The following USP47 variants were observed in gnomAD, a reference collection of about 807,000 sequenced individuals.
USP47 encodes ubiquitin specific peptidase 47.
Under a neutral mutation model 165.1 loss-of-function variants are expected in USP47, and 35 were observed. The ratio of observed to expected loss-of-function variants is 0.21; its 90% CI spans 0.16 to 0.28. The LOEUF is 0.28. Among genes scored for constraint, USP47 ranks in the 10% least tolerant of loss-of-function variants. The pLI is 1.00. For missense variants in USP47, 1,277 were observed against 1,607.4 expected (o/e 0.79, Z 3.52); for synonymous variants, 531 against 544.5 (o/e 0.98, Z 0.35).
At chr11:11,877,520 A>G (rs1850514521) in intron 1 of USP47, among the ~76,000 whole-genome samples, 2 of 152,186 alleles carry the variant, frequency 1.3e-5, no homozygotes, top group Non-Finnish European at 2.9e-5. Context: ...AAAGTATATG[A>G]AGTTTTATGT....
rs926746181 is a variant in USP47 at position 11,957,917 on chromosome 11, A to G, written c.*1742A>G. The G allele has an allele frequency of 6.6e-6, 1 of 152,170 alleles. No homozygotes were observed. The highest frequency in any genetic ancestry group is 1.5e-5 in the Non-Finnish European group (1 of 68,028). 9.4% of individuals were successfully genotyped at this position (152,170 alleles called of 1,614,324 possible). A position where few individuals can be genotyped will look rare whatever the true frequency, so the allele number is the denominator to read the frequency against. ...TTGAAGAAAGCTATAGCATTTAGCG[A>G]AATTTGACTGAAGTAATGTTCTGAG... On this transcript the variant is annotated 3_prime_UTR_variant, in exon 28 of 28. Transcript: ENST00000527733.
chr11:11,875,182 A>C (rs980844470), intron 1 of USP47, among the ~76,000 whole-genome samples: 1 of 152,166 alleles, frequency 6.6e-6, no homozygotes, highest in African/African-American at 2.4e-5. Flanking sequence ...CGGTACCTTC[A>C]TAATTTTAAA....
chr11:11,893,380 A>T (rs1021253878), intron 4 of USP47, among the ~76,000 whole-genome samples: 5 of 152,198 alleles, frequency 3.3e-5, no homozygotes, highest in Non-Finnish European at 5.9e-5. Flanking sequence ...ATTACATTAC[A>T]AATATCAGTG....
chr11:11,865,102 G>A (rs1033947795), intron 1 of USP47, among the ~76,000 whole-genome samples: 4 of 152,120 alleles, frequency 2.6e-5, no homozygotes, highest in Non-Finnish European at 5.9e-5. Flanking sequence ...TAGTTCTTAA[G>A]GGATTTGATT....
chr11:11,936,618 T>A, intron 17 of USP47, 108 bp downstream of exon 17: 1 of 900,056 alleles, frequency 1.1e-6, no homozygotes, highest in Non-Finnish European at 1.6e-6. Flanking sequence ...TATATGGTCT[T>A]AAAATGTAGA....
At chr11:11,946,320 A>C (rs975116072) in intron 20 of USP47, among the ~76,000 whole-genome samples, 1 of 152,232 alleles carries the variant, frequency 6.6e-6, no homozygotes, top group Non-Finnish European at 1.5e-5. Flanking sequence ...CAGGCCATCA[A>C]ATTCCAGAAC....
chr11:11,908,275 T>TC (rs1852715030), intron 8 of USP47, among the ~76,000 whole-genome samples: 1 of 152,028 alleles, frequency 6.6e-6, no homozygotes, highest in Admixed American at 6.5e-5. Flanking sequence ...TTTCTTTTTT[T>TC]TCTCTCTCTC....
intron 2 of USP47, among the ~76,000 whole-genome samples, chr11:11,882,819 T>G (rs1193345090): frequency 1.3e-5 from 2 of 152,192 alleles, no homozygotes; most frequent in Non-Finnish European, 2.9e-5. Flanking sequence ...CTCGTATAAA[T>G]TTCATATCCT....
At chr11:11,946,678 CAG>C (rs1855864849) in intron 20 of USP47, among the ~76,000 whole-genome samples, 1 of 152,160 alleles carries the variant, frequency 6.6e-6, no homozygotes, top group African/African-American at 2.4e-5. Context: ...ATAGCATAGA[CAG>C]AAGCTTGTTT....
chr11:11,892,600 C>T (rs1265535208), intron 4 of USP47, among the ~76,000 whole-genome samples: 6 of 150,078 alleles, frequency 4.0e-5, no homozygotes, highest in Non-Finnish European at 5.9e-5. Flanking sequence ...TGCTTGAGCC[C>T]GGGAGTTGGA....
At chr11:11,869,136 A>G (rs1465374585) in intron 1 of USP47, among the ~76,000 whole-genome samples, 5 of 151,978 alleles carry the variant, frequency 3.3e-5, no homozygotes, top group Admixed American at 2.6e-4. Context: ...CAGTTTATCA[A>G]TTTTTCCTTT....
chr11:11,865,603 C>T (rs1465732360), intron 1 of USP47, among the ~76,000 whole-genome samples: 1 of 152,032 alleles, frequency 6.6e-6, no homozygotes, highest in Non-Finnish European at 1.5e-5. Flanking sequence ...ACAGTGGCTG[C>T]ACCATTTTAC....
chr11:11,920,531 C>T, intron 10 of USP47, 37 bp downstream of exon 10: 2 of 1,557,632 alleles, frequency 1.3e-6, no homozygotes, highest in Non-Finnish European at 1.7e-6. Context: ...TTTCATTAAT[C>T]CACATTAGTC....
intron 1 of USP47, among the ~76,000 whole-genome samples, chr11:11,843,755 A>T (rs541460454): frequency 2.5e-4 from 38 of 152,374 alleles, no homozygotes; most frequent in African/African-American, 8.7e-4. Context: ...AGAAAACATG[A>T]TATGATAATA....
chr11:11,888,536 A>C (rs761402790), intron 3 of USP47, among the ~76,000 whole-genome samples: 12 of 152,144 alleles, frequency 7.9e-5, no homozygotes, highest in Non-Finnish European at 1.6e-4. Context: ...CCAATTAAAA[A>C]TTCTGAAATT....
At chr11:11,901,107 T>C (rs773031417) in intron 5 of USP47, among the ~76,000 whole-genome samples, 1 of 152,104 alleles carries the variant, frequency 6.6e-6, no homozygotes, top group South Asian at 2.1e-4. Context: ...AAAGGTGAAA[T>C]GTACTTCATT....
At chr11:11,931,964 A>G (rs576539930) in intron 14 of USP47, among the ~76,000 whole-genome samples, 3 of 152,312 alleles carry the variant, frequency 2.0e-5, no homozygotes, top group South Asian at 4.1e-4. Flanking sequence ...CTCACAAATT[A>G]TATCAGGCTG....
intron 1 of USP47, among the ~76,000 whole-genome samples, chr11:11,850,342 C>T (rs1253790414): frequency 6.7e-6 from 1 of 150,008 alleles, no homozygotes; most frequent in Admixed American, 6.6e-5. Flanking sequence ...TTTTTCTCAA[C>T]TTTGTCTTCC....
chr11:11,896,395 G>A (rs374435608), intron 4 of USP47, among the ~76,000 whole-genome samples: 4 of 152,300 alleles, frequency 2.6e-5, no homozygotes, highest in East Asian at 3.9e-4. Context: ...TGAGGAATTG[G>A]GAGGAGGAGG....
Sources: gnomAD v4.1 joint callset for allele counts (sites outside exome capture counted in the v4.1 genomes callset) on GRCh38, gnomAD v4.1.1 for gene constraint, MANE v1.5 for transcripts, NCBI Gene and HGNC (gene_info 2026-07-23, HGNC 2026-07-21) for gene names.